Variants in DAB2 observed in about 807,000 individuals in gnomAD.
DAB2 encodes disabled homolog 2.
DAB2 carries 28 observed loss-of-function variants against 71.6 expected under a neutral mutation model. The ratio of observed to expected loss-of-function variants is 0.39; its 90% confidence interval spans 0.29 to 0.54. The LOEUF (loss-of-function observed/expected upper bound fraction) is 0.54, where lower values mean the gene tolerates loss of function less well. Ranked by LOEUF, DAB2 falls within the 20% of genes least tolerant of loss-of-function variation. The pLI is 0.68. For synonymous variants in DAB2, 345 were observed against 339.7 expected, an observed-to-expected ratio of 1.02 and a Z score of -0.17; for missense variants, 867 against 928.8, an observed-to-expected ratio of 0.93 and a Z score of 0.86.
At position 39,377,202 on chromosome 5, in the gene DAB2, G is replaced by A. The variant is rs1206070773; in HGVS notation, c.1585C>T (p.Pro529Ser). 6.2e-7 allele frequency: 1 copy of A among 1,614,014 alleles called. No individual in the cohort carries two copies. The highest frequency in any genetic ancestry group is 2.2e-5 in the East Asian group (1 of 44,886). Residue 529 changes from proline to serine, a missense_variant, in exon 12 of 15, where the codon CCG becomes TCG. This residue lies in a region of DAB2 where 740 missense variants were observed against 734.3 expected (regional missense o/e 1.01). Coordinates refer to ENST00000320816, the MANE Select transcript of DAB2 (RefSeq NM_001343.4). Reference sequence around the variant, plus strand: ...GGTTGACCACCCATCATGGCTCCCGGAGCCATTGAAGGGGACTGATTGAAG... The same window carrying A: ...GGTTGACCACCCATCATGGCTCCCGAAGCCATTGAAGGGGACTGATTGAAG... ...LVFNQSPSMA[P>S]GAMMGGQPSG...
chr5:39,416,866 G>A lies in DAB2; in HGVS notation c.-102+7938C>T, dbSNP rs1429760049. On this transcript the variant is annotated intron_variant, in intron 1 of 14. Transcript: ENST00000320816. ...ATGAGCAGTGCGCTTAAAACATTAG[G>A]GGTAATAAATATTTCTTTTTGCACC... 1.3e-5 allele frequency among the ~76,000 whole-genome samples: 2 copies of A among 152,116 alleles called. 1 individual carries two copies. Among genetic ancestry groups the A allele is most frequent in the African/African-American group, 4.8e-5 (2 of 41,492 alleles).
In DAB2 at chr5:39,400,946, G is replaced by A. The variant is rs187797799; in HGVS notation, c.-101-6525C>T. ...CAACATGTGAAATATTAACCTCTAA[G>A]ACAGACCTCGGGGTCCAAGAGGGCA... is the stretch of plus-strand genomic sequence containing the variant. On this transcript the variant is annotated intron_variant, in intron 1 of 14. Transcript: ENST00000320816. Among the ~76,000 whole-genome samples, 770 of 152,306 alleles carry A rather than the reference G, an allele frequency of 5.1e-3. 19 individuals are homozygous for A. Among genetic ancestry groups the A allele is most frequent in the Admixed American group, 0.045 (683 of 15,300 alleles).
chr5:39,390,889 C>G (rs896976319), intron 4 of DAB2, among the ~76,000 whole-genome samples: 5 of 152,154 alleles, frequency 3.3e-5, no homozygotes, highest in African/African-American at 1.2e-4. Flanking sequence ...GAAGAGGAGA[C>G]ATTTAGCCCT....
At chr5:39,381,728 T>C in intron 10 of DAB2, 112 bp from the exon 11 acceptor site, 1 of 1,166,048 alleles carries the variant, frequency 8.6e-7, no homozygotes, top group South Asian at 1.6e-5. Context: ...AAAGGAAAAC[T>C]TTTTTCTTGA....
chr5:39,376,633 A>T lies in DAB2; in HGVS notation c.2137+17T>A. ...AGATAGTTGTTGGAACAGTAGGCAG[A>T]GTGGTGAGTGGCTTACCATTGATCT... On this transcript the variant is annotated intron_variant, in intron 12 of 14. Coordinates refer to ENST00000320816, the MANE Select transcript of DAB2 (RefSeq NM_001343.4). The T allele has an allele frequency of 6.2e-7, 1 of 1,610,868 alleles. No homozygotes were observed. The highest frequency in any genetic ancestry group is 8.5e-7 in the Non-Finnish European group (1 of 1,178,332).
At chr5:39,374,960 T>C in intron 14 of DAB2, 54 bp downstream of exon 14, 1 of 1,091,660 alleles carries the variant, frequency 9.2e-7, no homozygotes, top group Non-Finnish European at 1.4e-6. Context: ...TTATTCCATG[T>C]CACCCTTTCT....
chr5:39,398,145 T>C (rs1236248513), intron 1 of DAB2, among the ~76,000 whole-genome samples: 1 of 152,234 alleles, frequency 6.6e-6, no homozygotes, highest in Non-Finnish European at 1.5e-5. Context: ...TCATTAAATT[T>C]GGCAATTTGT....
intron 9 of DAB2, among the ~76,000 whole-genome samples, chr5:39,384,808 T>C (rs1327966077): frequency 6.6e-6 from 1 of 152,036 alleles, no homozygotes; most frequent in Non-Finnish European, 1.5e-5. Flanking sequence ...CAGAGAAGAA[T>C]ATAAATGATA....
At position 39,424,960 on chromosome 5, in the gene DAB2, A is replaced by T. The variant is rs949536117; in HGVS notation, c.-258T>A. ...CCCGGCGAGAGATATGGTTCTAATC[A>T]GATGCTGGCAGCTGAGGACTCCCCA... On this transcript the variant is annotated 5_prime_UTR_variant, in exon 1 of 15. Transcript: ENST00000320816. 1 of 152,346 alleles carries T rather than the reference A, an allele frequency of 6.6e-6. No individual in the cohort carries two copies. Among genetic ancestry groups the T allele is most frequent in the Non-Finnish European group, 1.5e-5 (1 of 68,078 alleles). 9.4% of individuals were successfully genotyped at this position (152,346 alleles called of 1,614,324 possible).
At chr5:39,388,210 C>T (rs1755141945) in intron 9 of DAB2, 95 bp downstream of exon 9, 2 of 885,748 alleles carry the variant, frequency 2.3e-6, no homozygotes, top group East Asian at 5.0e-5. Flanking sequence ...AGTCACCTTC[C>T]AAGTTTCAAT....
At chr5:39,384,849 T>C (rs1359980135) in intron 9 of DAB2, among the ~76,000 whole-genome samples, 1 of 152,114 alleles carries the variant, frequency 6.6e-6, no homozygotes, top group African/African-American at 2.4e-5. Context: ...CAAGTTATAG[T>C]AGTTATCTTG....
intron 13 of DAB2, among the ~76,000 whole-genome samples, 185 bp from the exon 14 acceptor site, chr5:39,375,269 T>G (rs559000609): frequency 2.0e-5 from 3 of 152,196 alleles, no homozygotes; most frequent in Non-Finnish European, 4.4e-5. Context: ...ATATTATTTA[T>G]GTGAAAATCA....
chr5:39,377,651 G>C (rs1400940056), intron 11 of DAB2, among the ~76,000 whole-genome samples: 1 of 152,074 alleles, frequency 6.6e-6, no homozygotes, highest in East Asian at 1.9e-4. Flanking sequence ...TTAATAGCAG[G>C]AACTTATTTA....
In DAB2 at chr5:39,389,856, T is replaced by G; in HGVS notation, c.539A>C (p.Lys180Thr). ...YNVKKKEEEK[K>T]KIEEASKAVE... is the part of the protein sequence containing the mutation. ...CCTTAATCAGGTAGTACTTGCCTTT[T>G]TCTTTTCTTCTTCCTTTTTCTTTAC... Residue 180 changes from lysine (K) to threonine (T), a missense_variant, in exon 6 of 15, where the codon AAA becomes ACA. Physicochemically the swap from Lys to Thr is moderately conservative, Grantham distance 78. Transcript: ENST00000320816. 1 of 1,543,630 alleles carries G rather than the reference T, an allele frequency of 6.5e-7. No individual in the cohort carries two copies. The highest frequency in any genetic ancestry group is 1.2e-5 in the South Asian group (1 of 86,432).
At position 39,392,462 on chromosome 5, in the gene DAB2, C is replaced by A. The variant is rs765551911; in HGVS notation, c.233G>T (p.Gly78Val). Residue 78 changes from glycine to valine, a missense_variant and splice_region_variant, in exon 4 of 15, where the codon GGA (glycine) becomes GTA (valine). Around this residue, in one of 2 missense-constraint regions of DAB2, gnomAD observed 127 missense variants for 194.4 expected, o/e 0.65. Coordinates refer to ENST00000320816, the MANE Select transcript of DAB2 (RefSeq NM_001343.4). ...CTGAGACCGACCAGCTGCCGCCATT[C>A]CCTGATGAGGGTGGAAAAACAAGAG... ...MSQDSMMKLK[G>V]MAAAGRSQGQ... 4.3e-6 allele frequency: 7 copies of A among 1,610,246 alleles called. No homozygotes were observed. The highest frequency in any genetic ancestry group is 5.9e-6 in the Non-Finnish European group (7 of 1,176,618).
intron 1 of DAB2, among the ~76,000 whole-genome samples, chr5:39,421,984 C>T (rs563674250): frequency 9.2e-5 from 14 of 152,146 alleles, no homozygotes; most frequent in Non-Finnish European, 1.9e-4. Context: ...GTCACAGAAT[C>T]TCTTGAACCC....
In DAB2 at chr5:39,377,157, C is replaced by G. The variant is rs61755342; in HGVS notation, c.1630G>C (p.Val544Leu). The change falls in exon 12 of 15, where the codon GTC (valine) becomes CTC (leucine). Residue 544 changes from valine (V) to leucine (L), a missense_variant. Physicochemically the swap from Val to Leu is conservative, Grantham distance 32. Transcript: ENST00000320816. ...GGQPSGFSQPVIFGTSPAVSG... is the reference protein window; with the variant it reads ...GGQPSGFSQPLIFGTSPAVSG... ...ACAGCTGGACTTGTACCAAAAATGA[C>G]GGGCTGACTAAAACCTGAAGGTTGA... is the stretch of plus-strand genomic sequence containing the variant. 44 of 1,613,970 alleles carry G rather than the reference C, an allele frequency of 2.7e-5. No homozygotes were observed. The highest frequency in any genetic ancestry group is 3.4e-5 in the Non-Finnish European group (40 of 1,180,016).
At chr5:39,376,165 C>G in intron 12 of DAB2, 59 bp from the exon 13 acceptor site, 1 of 1,310,944 alleles carries the variant, frequency 7.6e-7, no homozygotes, top group Non-Finnish European at 1.1e-6. Flanking sequence ...ATAGGCCAGT[C>G]CCCGAGTCAG....
At chr5:39,378,101 G>T (rs1195877010) in intron 11 of DAB2, among the ~76,000 whole-genome samples, 1 of 152,194 alleles carries the variant, frequency 6.6e-6, no homozygotes, top group African/African-American at 2.4e-5. Flanking sequence ...ATCTTTCAAG[G>T]TAACTAATGG....
Sources: allele counts gnomAD v4.1 joint callset (sites outside exome capture counted in the v4.1 genomes callset), GRCh38; gene constraint gnomAD v4.1.1; regional missense constraint gnomAD v4.1.1; transcripts MANE v1.5; gene names NCBI Gene and HGNC (gene_info 2026-07-23, HGNC 2026-07-21).